MAPK10: variants seen among roughly 807,000 people sequenced by gnomAD.
The protein encoded by MAPK10 is mitogen-activated protein kinase 10.
Under a neutral mutation model 59.3 loss-of-function variants are expected in MAPK10, and 25 were observed. The observed-to-expected ratio is 0.42, with a 90% CI of 0.31 to 0.59. The LOEUF is 0.59. Ranked by LOEUF, MAPK10 falls within the 20% of genes least tolerant of loss-of-function variation. The pLI is 0.15. For missense variants in MAPK10, 351 were observed against 568.9 expected (o/e 0.62, Z 3.90); for synonymous variants, 190 against 200.5 (o/e 0.95, Z 0.44).
intron 1 of MAPK10, among the ~76,000 whole-genome samples, chr4:86,359,234 C>G (rs528036119): frequency 7.2e-6 from 1 of 138,496 alleles, no homozygotes; most frequent in South Asian, 2.4e-4. Flanking sequence ...GCACTTCTAA[C>G]AAGCACAGCT....
At position 86,101,155 on chromosome 4, in the gene MAPK10, T is replaced by C; in HGVS notation, c.627A>G (p.Gly209=). Residue 209 remains glycine (G), a synonymous_variant, in exon 8 of 14, where the codon GGA becomes GGG. Coordinates refer to ENST00000641462, the MANE Select transcript of MAPK10 (RefSeq NM_138982.4). The part of the protein sequence containing the change: ...SDCTLKILDF[G]LARTAGTSFM... Reference sequence around the variant, plus strand: ...AGCTTGTGCCTGCTGTCCTGGCCAGTCCAAAGTCCAGGATTTTCAATGTGC... The same window carrying C: ...AGCTTGTGCCTGCTGTCCTGGCCAGCCCAAAGTCCAGGATTTTCAATGTGC... 1 of 1,613,842 alleles carries C rather than the reference T, an allele frequency of 6.2e-7. No individual in the cohort carries two copies. The highest frequency in any genetic ancestry group is 1.1e-5 in the South Asian group (1 of 91,066).
intron 1 of MAPK10, among the ~76,000 whole-genome samples, chr4:86,436,430 T>G (rs978306382): frequency 1.3e-5 from 2 of 152,200 alleles, no homozygotes; most frequent in Non-Finnish European, 2.9e-5. Context: ...AGTTAAGAGA[T>G]AGGAAAACTA....
At chr4:86,513,983 A>G (rs748537038) in intron 1 of MAPK10, among the ~76,000 whole-genome samples, 35 of 152,206 alleles carry the variant, frequency 2.3e-4, no homozygotes, top group Non-Finnish European at 4.6e-4. Context: ...TGGGAAGACC[A>G]GACCAAACCA....
At position 86,094,703 on chromosome 4, in the gene MAPK10, T is replaced by C. The variant is rs564600236; in HGVS notation, c.802+3821A>G. 8.9e-4 allele frequency among the ~76,000 whole-genome samples: 136 copies of C among 151,982 alleles called. 1 individual carries two copies. The highest frequency in any genetic ancestry group is 1.4e-3 in the East Asian group (7 of 5,172). ...GTGGTGGAGGCAGTGAATGACTGGA[T>C]AGTTCTTAGAAAAAACTTCTAAGGA... On this transcript the variant is annotated intron_variant, in intron 9 of 13. Coordinates refer to ENST00000641462, the MANE Select transcript of MAPK10 (RefSeq NM_138982.4).
rs1198925786 is a variant in MAPK10 at position 86,380,566 on chromosome 4, G to T, written c.-121-25922C>A. 3.3e-5 allele frequency among the ~76,000 whole-genome samples: 5 copies of T among 151,720 alleles called. No homozygotes were observed. In the South Asian group the frequency reaches 8.3e-4, roughly 25 times the overall value. ...CAGTTTTCCAATCACCAACCTTTAGGGCATTCATCTAGCCTACTTGTTTTC... is the reference window on the plus strand; with the variant it reads ...CAGTTTTCCAATCACCAACCTTTAGTGCATTCATCTAGCCTACTTGTTTTC... On this transcript the variant is annotated intron_variant, in intron 1 of 13. Transcript: ENST00000361569.
chr4:86,091,019 T>C (rs916782741), intron 9 of MAPK10: 6 of 152,224 alleles, frequency 3.9e-5, no homozygotes, highest in African/African-American at 1.4e-4. Flanking sequence ...GTTACTTCTC[T>C]CTAAACCTCA....
intron 4 of MAPK10, among the ~76,000 whole-genome samples, chr4:86,149,622 T>C (rs73837430): frequency 6.2e-4 from 95 of 152,310 alleles, no homozygotes; most frequent in African/African-American, 2.2e-3. Flanking sequence ...GACAGTTCCC[T>C]AATCAAACCA....
At chr4:86,191,617 T>G (rs1388183211) in intron 3 of MAPK10, 2 of 136,926 alleles carry the variant, frequency 1.5e-5, no homozygotes, top group African/African-American at 5.3e-5. Flanking sequence ...TAGTAACTAT[T>G]CCTCCATCCC....
At chr4:86,108,061 G>A (rs924797092) in intron 4 of MAPK10, among the ~76,000 whole-genome samples, 4 of 152,218 alleles carry the variant, frequency 2.6e-5, no homozygotes, top group Non-Finnish European at 5.9e-5. Flanking sequence ...GATGATCAAA[G>A]TGTACTCTCA....
intron 2 of MAPK10, among the ~76,000 whole-genome samples, chr4:86,347,650 C>T (rs1312199924): frequency 1.3e-5 from 2 of 152,062 alleles, no homozygotes; most frequent in African/African-American, 4.8e-5. Context: ...CTGGTAAGTC[C>T]AAGATACAAA....
intron 2 of MAPK10, among the ~76,000 whole-genome samples, chr4:86,263,194 G>A (rs933139513): frequency 6.6e-6 from 1 of 152,112 alleles, no homozygotes; most frequent in Admixed American, 6.5e-5. Context: ...ATTGTCCCTT[G>A]TTACTTCTCT....
At chr4:86,234,794 G>A (rs1393519567) in intron 2 of MAPK10, among the ~76,000 whole-genome samples, 1 of 151,990 alleles carries the variant, frequency 6.6e-6, no homozygotes, top group Non-Finnish European at 1.5e-5. Context: ...TTTAAATTCA[G>A]GGGAAACTTA....
intron 11 of MAPK10, chr4:86,032,276 T>C (rs1364895287): frequency 6.6e-6 from 1 of 151,898 alleles, no homozygotes; most frequent in Non-Finnish European, 1.5e-5. Context: ...TTCTTCCTGA[T>C]ATTTAGGCTT....
chr4:86,148,883 G>A (rs901257294), intron 4 of MAPK10, among the ~76,000 whole-genome samples: 1 of 152,158 alleles, frequency 6.6e-6, no homozygotes, highest in African/African-American at 2.4e-5. Context: ...TGTGAAAAAC[G>A]CAAGCACAAA....
intron 3 of MAPK10, among the ~76,000 whole-genome samples, chr4:86,171,590 A>G (rs563877211): frequency 2.0e-5 from 3 of 152,252 alleles, no homozygotes; most frequent in Non-Finnish European, 2.9e-5. Context: ...GATGGATTAA[A>G]GACTTAAATG....
chr4:86,132,032 A>G lies in MAPK10; in HGVS notation c.237-24680T>C, dbSNP rs940170225. The stretch of plus-strand genomic sequence containing the variant: ...CGATACACTGCTGGTCCTAGTCCAT[A>G]AAGTCTAAATGAGTTAATAAAGATC... On this transcript the variant is annotated intron_variant, in intron 4 of 13. Transcript: ENST00000641462. Among the ~76,000 whole-genome samples the G allele has an allele frequency of 1.1e-4, 16 of 152,338 alleles. No individual in the cohort carries two copies. In the East Asian group the frequency reaches 2.9e-3, roughly 28 times the overall value.
chr4:86,554,011 G>C (rs1760065240), intron 1 of MAPK10, among the ~76,000 whole-genome samples: 1 of 151,722 alleles, frequency 6.6e-6, no homozygotes, highest in African/African-American at 2.4e-5. Flanking sequence ...CAAGTACCTA[G>C]GATTACAGGC....
chr4:86,356,112 G>A (rs1266194944), intron 1 of MAPK10, among the ~76,000 whole-genome samples: 1 of 152,104 alleles, frequency 6.6e-6, no homozygotes, highest in African/African-American at 2.4e-5. Flanking sequence ...GTTTATTACT[G>A]TGCAGGTCAC....
Position 86,107,364 on chromosome 4 carries a change from C to T in MAPK10, c.237-12G>A. The T allele has an allele frequency of 6.2e-7, 1 of 1,601,248 alleles. No homozygotes were observed. ...CATCATACGCGGCACTGTAGAGATCCAAGAGCAACTCAGAATTAAGAACAA... is the reference window on the plus strand; with the variant it reads ...CATCATACGCGGCACTGTAGAGATCTAAGAGCAACTCAGAATTAAGAACAA... On this transcript the variant is annotated splice_polypyrimidine_tract_variant and intron_variant, in intron 4 of 13. Transcript: ENST00000641462.
Sources: gnomAD v4.1 joint callset for allele counts (sites outside exome capture counted in the v4.1 genomes callset) on GRCh38, gnomAD v4.1.1 for gene constraint, MANE v1.5 for transcripts, NCBI Gene and HGNC (gene_info 2026-07-23, HGNC 2026-07-21) for gene names.